The following DRGX variants were observed in gnomAD, a reference collection of about 807,000 sequenced individuals.
DRGX encodes dorsal root ganglia homeobox protein.
A neutral mutation model predicts 28.6 loss-of-function variants in DRGX; 21 were observed. The observed-to-expected ratio is 0.73, with a 90% confidence interval of 0.52 to 1.06. DRGX has a LOEUF of 1.06. Among genes scored for constraint, DRGX ranks in the 50% least tolerant of loss-of-function variants. The pLI is 0.00. For synonymous variants in DRGX, 136 were observed against 139.1 expected, an observed-to-expected ratio of 0.98 and a Z score of 0.16; for missense variants, 354 against 343.9, an observed-to-expected ratio of 1.03 and a Z score of -0.23.
At position 49,373,235 on chromosome 10, in the gene DRGX, A is replaced by G. The variant is rs925199580; in HGVS notation, c.527-6854T>C. On this transcript the variant is annotated intron_variant, in intron 6 of 6. Transcript: ENST00000374139. ...ATAGGGAACTGGCTGAATAAGTTAT[A>G]CCCATATAGAACACACTACAACTAC... Among the ~76,000 whole-genome samples the G allele has an allele frequency of 7.9e-5, 12 of 152,330 alleles. No homozygotes were observed. The East Asian group carries it at 2.3e-3, about 29-fold the overall frequency.
Position 49,390,801 on chromosome 10 carries a change from A to G in DRGX, c.132+363T>C, listed in dbSNP as rs1849894522. Among the ~76,000 whole-genome samples the G allele has an allele frequency of 1.5e-5, 2 of 136,948 alleles. 1 individual carries two copies. The highest frequency in any genetic ancestry group is 4.8e-4 in the South Asian group (2 of 4,130). The allele number at this position is 136,948 out of a possible 152,430, so 89.8% of individuals were successfully genotyped here. A position where few individuals can be genotyped will look rare whatever the true frequency, so the allele number is the denominator to read the frequency against. On this transcript the variant is annotated intron_variant, in intron 3 of 6. Transcript: ENST00000374139. ...AACTATACCTTATCCAAGTCAGCCAACTTCCAGGGATCCGGTTTTTCATCT... is the reference window on the plus strand; with the variant it reads ...AACTATACCTTATCCAAGTCAGCCAGCTTCCAGGGATCCGGTTTTTCATCT...
At chr10:49,376,596 A>T (rs771892938) in intron 6 of DRGX, among the ~76,000 whole-genome samples, 1 of 152,182 alleles carries the variant, frequency 6.6e-6, no homozygotes, top group Non-Finnish European at 1.5e-5. Flanking sequence ...CATGACTCTA[A>T]CAACAATTAC....
chr10:49,372,829 G>A (rs17176921), intron 6 of DRGX, among the ~76,000 whole-genome samples: 10,459 of 152,258 alleles, frequency 0.069, 432 homozygotes, highest in Middle Eastern at 0.15. Flanking sequence ...TTTTTCCTCA[G>A]TGAAATCTTC....
At chr10:49,373,859 C>T (rs1001366380) in intron 6 of DRGX, among the ~76,000 whole-genome samples, 2 of 151,790 alleles carry the variant, frequency 1.3e-5, no homozygotes, top group Non-Finnish European at 2.9e-5. Context: ...AGCCATAGAC[C>T]ACATAAATCT....
Position 49,366,398 on chromosome 10 carries a change from A to T in DRGX, c.527-17T>A. ...GTGGGCCCCCTGGAAAAGGAAAAAC[A>T]ACAGGCTCCCATCACTGTCTACTTT... On this transcript the variant is annotated splice_polypyrimidine_tract_variant and intron_variant, in intron 6 of 6. Coordinates refer to ENST00000374139, the MANE Select transcript of DRGX (RefSeq NM_001276451.2). The T allele has an allele frequency of 1.3e-6, 2 of 1,587,876 alleles. No individual in the cohort carries two copies. Among genetic ancestry groups the T allele is most frequent in the Non-Finnish European group, 1.7e-6 (2 of 1,162,682 alleles).
intron 6 of DRGX, among the ~76,000 whole-genome samples, chr10:49,373,896 A>T (rs752160428): frequency 1.8e-4 from 28 of 152,316 alleles, no homozygotes; most frequent in Non-Finnish European, 3.2e-4. Context: ...GTATATAAAT[A>T]TAAATTTACT....
intron 2 of DRGX, among the ~76,000 whole-genome samples, chr10:49,393,425 G>A (rs1373277670): frequency 6.6e-6 from 1 of 152,174 alleles, no homozygotes; most frequent in African/African-American, 2.4e-5. Flanking sequence ...GGAAAAGGAG[G>A]ATTTTGCTTT....
chr10:49,386,629 T>G (rs1442994153), intron 5 of DRGX, 39 bp from the exon 6 acceptor site: 1 of 1,589,710 alleles, frequency 6.3e-7, no homozygotes, highest in Admixed American at 1.7e-5. Flanking sequence ...TCTCGCCCTG[T>G]GTCTGCAGTG....
Position 49,366,367 on chromosome 10 carries a change from A to G in DRGX, c.541T>C (p.Ser181Pro), listed in dbSNP as rs1182063405. Residue 181 changes from serine (S) to proline (P), a missense_variant, in exon 7 of 7, where the codon TCT becomes CCT. Transcript: ENST00000374139. ...VASLKGGPLC[S>P]CCVPDPMGLS... ...CCCATGGGGTCTGGGACGCAGCAAG[A>G]GCACAGTGGGCCCCCTGGAAAAGGA... 1 of 1,605,860 alleles carries G rather than the reference A, an allele frequency of 6.2e-7. No homozygotes were observed. The highest frequency in any genetic ancestry group is 1.1e-5 in the South Asian group (1 of 90,766).
intron 6 of DRGX, among the ~76,000 whole-genome samples, chr10:49,374,640 A>C (rs929919370): frequency 6.6e-6 from 1 of 152,228 alleles, no homozygotes; most frequent in Non-Finnish European, 1.5e-5. Context: ...ATATGACATC[A>C]TGCTTTAAAG....
At chr10:49,374,321 T>C (rs2132473022) in intron 6 of DRGX, among the ~76,000 whole-genome samples, 1 of 152,292 alleles carries the variant, frequency 6.6e-6, no homozygotes, top group Non-Finnish European at 1.5e-5. Flanking sequence ...ACAGCAAACA[T>C]GGGGCTGAGG....
At chr10:49,391,006 A>G (rs1459199537) in intron 3 of DRGX, among the ~76,000 whole-genome samples, 158 bp downstream of exon 3, 2 of 152,134 alleles carry the variant, frequency 1.3e-5, no homozygotes, top group Non-Finnish European at 2.9e-5. Flanking sequence ...TGCCTCCTAA[A>G]TTTTGATTCC....
rs914975132 is a variant in DRGX at position 49,381,841 on chromosome 10, A to C, written c.526+4637T>G. On this transcript the variant is annotated intron_variant, in intron 6 of 6. Transcript: ENST00000374139. ...CGTGGCCTACCCAGAGATGTTTGCT[A>C]TCTTTGGTCCAAGGCTGTAAGATCC... Among the ~76,000 whole-genome samples the C allele has an allele frequency of 6.6e-5, 10 of 152,306 alleles. No homozygotes were observed. The East Asian group carries it at 1.9e-3, about 29-fold the overall frequency.
chr10:49,373,608 C>CT (rs1849683340), intron 6 of DRGX, among the ~76,000 whole-genome samples: 1 of 152,194 alleles, frequency 6.6e-6, no homozygotes, highest in African/African-American at 2.4e-5. Flanking sequence ...TCCTCTTCCA[C>CT]TATACAAGGA....
chr10:49,371,960 G>C (rs1030999536), intron 6 of DRGX, among the ~76,000 whole-genome samples: 4 of 152,180 alleles, frequency 2.6e-5, no homozygotes, highest in African/African-American at 9.7e-5. Context: ...GTGACTGCTA[G>C]TGGCAGACAC....
chr10:49,391,725 G>A, intron 2 of DRGX: 1 of 467,636 alleles, frequency 2.1e-6, no homozygotes, highest in Non-Finnish European at 4.4e-6. Context: ...AAATCTGGGG[G>A]TTAGGAGAGG....
chr10:49,385,253 G>A (rs922225784), intron 6 of DRGX, among the ~76,000 whole-genome samples: 4 of 152,142 alleles, frequency 2.6e-5, no homozygotes, highest in African/African-American at 7.2e-5. Context: ...CACATCAGCC[G>A]ACTGAGCCAG....
chr10:49,382,291 C>A (rs184723449), intron 6 of DRGX, among the ~76,000 whole-genome samples: 1 of 152,142 alleles, frequency 6.6e-6, no homozygotes, highest in African/African-American at 2.4e-5. Flanking sequence ...TGTGAGCAAG[C>A]GACTTCCCCT....
intron 2 of DRGX, among the ~76,000 whole-genome samples, chr10:49,393,537 CCTTT>C (rs1296095119): frequency 3.9e-5 from 6 of 152,114 alleles, no homozygotes; most frequent in Non-Finnish European, 8.8e-5. Flanking sequence ...AGATTATGAG[CCTTT>C]CTTTCTTTTC....
Sources: gnomAD v4.1 joint callset for allele counts (sites outside exome capture counted in the v4.1 genomes callset) on GRCh38, gnomAD v4.1.1 for gene constraint, MANE v1.5 for transcripts, NCBI Gene and HGNC (gene_info 2026-07-23, HGNC 2026-07-21) for gene names.